Variants in VPS50 observed in about 807,000 individuals in gnomAD.
VPS50 encodes the protein syndetin.
Under a neutral mutation model 139.7 loss-of-function variants are expected in VPS50, and 70 were observed. The ratio of observed to expected loss-of-function variants is 0.50; its 90% CI spans 0.41 to 0.61. The LOEUF is 0.61. VPS50 is among the 20% of genes least tolerant of loss of function. VPS50 has a pLI of 0.00. For missense variants in VPS50, 921 were observed against 1,133.7 expected, an observed-to-expected ratio of 0.81 and a Z score of 2.69; for synonymous variants, 365 against 376.7, an observed-to-expected ratio of 0.97 and a Z score of 0.36.
intron 1 of VPS50, among the ~76,000 whole-genome samples, chr7:93,234,886 C>T (rs1794750470): frequency 2.0e-5 from 3 of 151,916 alleles, no homozygotes; most frequent in Middle Eastern, 6.8e-3. Flanking sequence ...TCTGTTCTTT[C>T]AGTCCATTCA....
intron 20 of VPS50, among the ~76,000 whole-genome samples, chr7:93,322,599 CAAAAAAAAAA>C (rs71528064): frequency 4.5e-4 from 30 of 66,166 alleles, no homozygotes; most frequent in African/African-American, 1.3e-3. Context: ...GACTCCGTCT[CAAAAAAAAAA>C]AAAAAAAAAA....
intron 1 of VPS50, among the ~76,000 whole-genome samples, chr7:93,238,104 CT>C (rs983965725): frequency 3.3e-5 from 5 of 152,128 alleles, no homozygotes; most frequent in Middle Eastern, 3.2e-3. Flanking sequence ...GGAAGTTTTA[CT>C]TTCATGTGTG....
chr7:93,323,354 T>C (rs1396940830), intron 20 of VPS50: 1 of 158,330 alleles, frequency 6.3e-6, no homozygotes, highest in Non-Finnish European at 1.4e-5. Context: ...GAGGAAAATA[T>C]CATTGTATTA....
At chr7:93,234,053 T>A (rs559742139) in intron 1 of VPS50, among the ~76,000 whole-genome samples, 1 of 152,318 alleles carries the variant, frequency 6.6e-6, no homozygotes, top group African/African-American at 2.4e-5. Context: ...CCTGTTTGAT[T>A]TTTAAATCAA....
chr7:93,351,602 T>TA (rs1434735430), intron 25 of VPS50, among the ~76,000 whole-genome samples: 2 of 152,108 alleles, frequency 1.3e-5, no homozygotes, highest in Non-Finnish European at 2.9e-5. Context: ...CCTAACATGG[T>TA]AAAAAAGGCA....
chr7:93,283,518 G>T (rs1325395804), intron 12 of VPS50, among the ~76,000 whole-genome samples: 1 of 152,128 alleles, frequency 6.6e-6, no homozygotes, highest in Non-Finnish European at 1.5e-5. Context: ...TTATAGGTGT[G>T]AGCCACCGCG....
intron 12 of VPS50, among the ~76,000 whole-genome samples, chr7:93,280,253 T>C (rs1362556679): frequency 6.6e-6 from 1 of 152,202 alleles, no homozygotes; most frequent in Non-Finnish European, 1.5e-5. Flanking sequence ...ATAGTTTTTA[T>C]TGGTTGTCTT....
chr7:93,261,677 C>CA (rs71107890), intron 9 of VPS50, among the ~76,000 whole-genome samples: 5,775 of 61,244 alleles, frequency 0.094, 415 homozygotes, highest in African/African-American at 0.19. Context: ...GACTCCGTCT[C>CA]AAAAAAAAAA....
intron 1 of VPS50, among the ~76,000 whole-genome samples, chr7:93,235,122 A>T (rs951349853): frequency 6.6e-6 from 1 of 152,110 alleles, no homozygotes; most frequent in African/African-American, 2.4e-5. Context: ...GAGGAAGTGA[A>T]CTCTGTGAGG....
At chr7:93,232,635 G>A (rs1794669147) in intron 1 of VPS50, 135 bp downstream of exon 1, 5 of 790,762 alleles carry the variant, frequency 6.3e-6, no homozygotes, top group South Asian at 6.0e-5. Context: ...CTGGGAAGCC[G>A]GGGCATACCC....
chr7:93,281,251 A>AT (rs1796318658), intron 12 of VPS50, among the ~76,000 whole-genome samples: 1 of 152,174 alleles, frequency 6.6e-6, no homozygotes, highest in Non-Finnish European at 1.5e-5. Context: ...TAAAAACAGT[A>AT]TTTTTTGATA....
At chr7:93,342,575 C>T (rs890927678) in intron 23 of VPS50, among the ~76,000 whole-genome samples, 11 of 152,172 alleles carry the variant, frequency 7.2e-5, no homozygotes, top group Admixed American at 7.2e-4. Flanking sequence ...CTTAAATGTC[C>T]CTGTCTGACA....
rs999350604 is a variant in VPS50 at position 93,341,785 on chromosome 7, A to T, written c.2207+210A>T. ...TTCAGTTATAGAAATGGAAAGAAGG[A>T]AATCTTTTAATTTTCAGCCTTTAAC... On this transcript the variant is annotated intron_variant, in intron 23 of 27. Coordinates refer to ENST00000305866, the MANE Select transcript of VPS50 (RefSeq NM_017667.4). Among the ~76,000 whole-genome samples, 13 of 152,346 alleles carry T rather than the reference A, an allele frequency of 8.5e-5. No homozygotes were observed. The East Asian group carries it at 2.5e-3, about 29-fold the overall frequency.
intron 9 of VPS50, among the ~76,000 whole-genome samples, chr7:93,266,777 T>A (rs1019195694): frequency 6.6e-5 from 10 of 152,208 alleles, no homozygotes; most frequent in African/African-American, 2.4e-4. Flanking sequence ...GAATTCATGT[T>A]TCTAAATGAT....
intron 9 of VPS50, among the ~76,000 whole-genome samples, chr7:93,265,684 C>T (rs1001470002): frequency 6.6e-6 from 1 of 152,128 alleles, no homozygotes; most frequent in Non-Finnish European, 1.5e-5. Flanking sequence ...CCTGCCTCAG[C>T]CTCCTGAGTA....
chr7:93,307,625 A>G (rs1159006335), intron 18 of VPS50, among the ~76,000 whole-genome samples: 3 of 152,060 alleles, frequency 2.0e-5, no homozygotes, highest in Admixed American at 2.0e-4. Context: ...GCAAATTTGC[A>G]AACATTGAAT....
chr7:93,299,762 G>A (rs1365511829), intron 16 of VPS50, among the ~76,000 whole-genome samples: 1 of 151,998 alleles, frequency 6.6e-6, no homozygotes, highest in Admixed American at 6.6e-5. Flanking sequence ...ATTATTGATT[G>A]TTTCTACTTC....
intron 17 of VPS50, among the ~76,000 whole-genome samples, chr7:93,303,900 A>C (rs746969816): frequency 2.1e-4 from 32 of 151,980 alleles, no homozygotes; most frequent in Admixed American, 1.5e-3. Context: ...ATTTTGGCAT[A>C]GTTTAATACA....
chr7:93,335,378 A>T (rs556608300), intron 22 of VPS50, among the ~76,000 whole-genome samples: 1 of 152,326 alleles, frequency 6.6e-6, no homozygotes, highest in South Asian at 2.1e-4. Context: ...ACACATTTTT[A>T]AAAATATAGT....
Sources: gnomAD v4.1 joint callset for allele counts (sites outside exome capture counted in the v4.1 genomes callset) on GRCh38, gnomAD v4.1.1 for gene constraint, MANE v1.5 for transcripts, NCBI Gene and HGNC (gene_info 2026-07-23, HGNC 2026-07-21) for gene names.